Variants in ATOSB observed in about 807,000 individuals in gnomAD.
ATOSB encodes the protein atos homolog B.
chr9:35,105,811 G>A, the ATOSB span: 1 of 1,614,138 alleles, frequency 6.2e-7, no homozygotes, highest in East Asian at 2.2e-5. This position sits in a 1 kb window ranked among gnomAD's most constrained non-coding sequence, Gnocchi z 5.5. Context: ...GAAGTCAAAG[G>A]TCACAAGGAA....
At chr9:35,105,194 G>A in the ATOSB span, 1 of 1,593,946 alleles carries the variant, frequency 6.3e-7, no homozygotes, top group South Asian at 1.1e-5. The surrounding 1 kb of genome is among the most constrained non-coding windows in gnomAD (Gnocchi z 5.5). Context: ...CAGGTCATTA[G>A]CCCGCATGGG....
At chr9:35,108,832 T>G in the ATOSB span, 1 of 271,016 alleles carries the variant, frequency 3.7e-6, no homozygotes, top group African/African-American at 2.3e-5. Flanking sequence ...CAGGACATCC[T>G]TCTCCCATGT....
chr9:35,105,103 G>T, the ATOSB span: 2 of 1,121,398 alleles, frequency 1.8e-6, no homozygotes, highest in Non-Finnish European at 2.5e-6. The surrounding 1 kb of genome is among the most constrained non-coding windows in gnomAD (Gnocchi z 5.5). Context: ...TTGGGCGTGA[G>T]CATGGTGAGG....
At chr9:35,106,671 T>G in the ATOSB span, 2 of 1,522,122 alleles carry the variant, frequency 1.3e-6, no homozygotes, top group Non-Finnish European at 1.8e-6. The surrounding 1 kb of genome is among the most constrained non-coding windows in gnomAD (Gnocchi z 4.6). Flanking sequence ...ACACAGGGGG[T>G]TGGCTTGAGG....
At chr9:35,105,667 G>C in the ATOSB span, 5 of 1,612,196 alleles carry the variant, frequency 3.1e-6, no homozygotes, top group Non-Finnish European at 4.2e-6. This position sits in a 1 kb window ranked among gnomAD's most constrained non-coding sequence, Gnocchi z 5.5. Context: ...AGCCATCCCT[G>C]GGCCCTCTCC....
chr9:35,114,920 G>C, the ATOSB span, among the ~76,000 whole-genome samples: 2 of 152,262 alleles, frequency 1.3e-5, no homozygotes, highest in South Asian at 4.1e-4. Context: ...CTGGTTACCA[G>C]GGTCTCTGGT....
At chr9:35,113,563 G>A in the ATOSB span, among the ~76,000 whole-genome samples, 4 of 152,146 alleles carry the variant, frequency 2.6e-5, no homozygotes, top group African/African-American at 9.7e-5. Flanking sequence ...GGCGGAGGTT[G>A]TAGTGAGCCA....
chr9:35,113,625 C>G, the ATOSB span, among the ~76,000 whole-genome samples: 1 of 126,398 alleles, frequency 7.9e-6, no homozygotes, highest in Admixed American at 9.7e-5. Flanking sequence ...GAGACTCCGT[C>G]TCAAAAATAA....
the ATOSB span, chr9:35,106,336 C>T: frequency 4.3e-6 from 7 of 1,614,132 alleles, no homozygotes; most frequent in East Asian, 2.2e-5. The surrounding 1 kb of genome is among the most constrained non-coding windows in gnomAD (Gnocchi z 4.6). Flanking sequence ...GGCAGTATGA[C>T]CCACTAGCTC....
At chr9:35,108,297 G>A in the ATOSB span, 5 of 1,522,962 alleles carry the variant, frequency 3.3e-6, no homozygotes, top group African/African-American at 1.4e-5. Context: ...GGGTCAGGGG[G>A]GCCCCCCAAC....
the ATOSB span, chr9:35,107,989 G>T: frequency 6.3e-7 from 1 of 1,592,602 alleles, no homozygotes; most frequent in South Asian, 1.1e-5. Context: ...ACAGTAGATG[G>T]TTCTTCAGGG....
At chr9:35,107,840 G>A in the ATOSB span, 2 of 1,597,332 alleles carry the variant, frequency 1.3e-6, no homozygotes, top group Non-Finnish European at 8.5e-7. Context: ...TTGATGGGGG[G>A]CAGGGGGGAC....
chr9:35,110,938 T>C, the ATOSB span: 1 of 152,178 alleles, frequency 6.6e-6, no homozygotes, highest in Non-Finnish European at 1.5e-5. Flanking sequence ...CTGCTCTCTA[T>C]TTTGTCCCTA....
chr9:35,109,719 C>T, the ATOSB span: 4 of 152,300 alleles, frequency 2.6e-5, no homozygotes, highest in African/African-American at 9.6e-5. Flanking sequence ...TCTGCTCTGT[C>T]CACCCCAGAC....
At chr9:35,107,000 C>A in the ATOSB span, 5 of 947,556 alleles carry the variant, frequency 5.3e-6, no homozygotes, top group South Asian at 1.5e-5. This position sits in a 1 kb window ranked among gnomAD's most constrained non-coding sequence, Gnocchi z 4.6. Flanking sequence ...CAGGCCTCCA[C>A]CTTTACCCAC....
chr9:35,112,211 T>C, the ATOSB span: 2 of 152,252 alleles, frequency 1.3e-5, no homozygotes, highest in South Asian at 4.1e-4. Context: ...TTGCCTTCTT[T>C]AGAGGAGCCC....
chr9:35,107,600 G>A, the ATOSB span: 7 of 1,590,752 alleles, frequency 4.4e-6, no homozygotes, highest in Admixed American at 5.4e-5. Context: ...GTGTGTGCTC[G>A]GGACTGTGCC....
the ATOSB span, chr9:35,106,748 G>A: frequency 6.7e-7 from 1 of 1,499,992 alleles, no homozygotes; most frequent in South Asian, 1.2e-5. This position sits in a 1 kb window ranked among gnomAD's most constrained non-coding sequence, Gnocchi z 4.6. Flanking sequence ...TTCTGCCCTG[G>A]GGTCCCCTAC....
chr9:35,108,226 C>G, the ATOSB span: 1 of 1,581,766 alleles, frequency 6.3e-7, no homozygotes, highest in African/African-American at 1.3e-5. Context: ...TGTGAAGGGC[C>G]AGCCTCCGGC....
Sources: allele counts gnomAD v4.1 joint callset (sites outside exome capture counted in the v4.1 genomes callset), GRCh38; gene constraint gnomAD v4.1.1; non-coding constraint Gnocchi (gnomAD v3.1); transcripts MANE v1.5; gene names NCBI Gene and HGNC (gene_info 2026-07-23, HGNC 2026-07-21).